GABRG3: variants seen among roughly 807,000 people sequenced by gnomAD.
The protein encoded by GABRG3 is gamma-aminobutyric acid type A receptor subunit gamma3, also known as gamma-aminobutyric acid receptor subunit gamma-3.
In GABRG3, 25 loss-of-function variants were observed where a neutral mutation model predicts 48.8. That is an observed-to-expected ratio of 0.51 (90% CI 0.37 to 0.72). GABRG3 has a LOEUF of 0.72. GABRG3 is among the 30% of genes least tolerant of loss of function. GABRG3 has a pLI of 0.00. For missense variants in GABRG3, 394 were observed against 577.9 expected (o/e 0.68, Z 3.26); for synonymous variants, 227 against 217.6 (o/e 1.04, Z -0.38).
chr15:27,237,214 T>G (rs1890001470), intron 3 of GABRG3, among the ~76,000 whole-genome samples: 1 of 152,352 alleles, frequency 6.6e-6, no homozygotes, highest in East Asian at 1.9e-4. Context: ...AATGGGTTAT[T>G]TAAATCCAGT....
At chr15:27,138,237 A>G (rs1180326130) in intron 3 of GABRG3, among the ~76,000 whole-genome samples, 1 of 152,136 alleles carries the variant, frequency 6.6e-6, no homozygotes, top group East Asian at 1.9e-4. Flanking sequence ...GTCTTCTTAT[A>G]AGGATTGCTG....
At chr15:27,306,663 T>G (rs1482976679) in intron 3 of GABRG3, among the ~76,000 whole-genome samples, 6 of 65,004 alleles carry the variant, frequency 9.2e-5, no homozygotes, top group Non-Finnish European at 1.1e-4. Context: ...TATATGAACA[T>G]GTTTATATAT....
intron 3 of GABRG3, among the ~76,000 whole-genome samples, chr15:27,169,756 G>T (rs1167312398): frequency 6.6e-6 from 1 of 152,008 alleles, no homozygotes; most frequent in East Asian, 1.9e-4. Flanking sequence ...CTTGAAAACT[G>T]GGAAAATCAT....
intron 2 of GABRG3, among the ~76,000 whole-genome samples, chr15:26,984,553 C>G (rs1895116485): frequency 6.6e-6 from 1 of 152,110 alleles, no homozygotes; most frequent in South Asian, 2.1e-4. Context: ...GTTTTAGTTC[C>G]CTTCTTTATC....
intron 3 of GABRG3, among the ~76,000 whole-genome samples, chr15:27,087,781 C>T (rs1461602456): frequency 6.8e-6 from 1 of 146,646 alleles, no homozygotes; most frequent in Non-Finnish European, 1.5e-5. Context: ...TATGTAGGCA[C>T]ATGTGTGTAT....
chr15:27,501,573 C>G (rs1445358160), intron 6 of GABRG3, among the ~76,000 whole-genome samples: 1 of 152,112 alleles, frequency 6.6e-6, no homozygotes, highest in African/African-American at 2.4e-5. Flanking sequence ...GGTCTCCTAA[C>G]TGACAGCTCA....
At chr15:27,093,527 T>A (rs1897226577) in intron 3 of GABRG3, among the ~76,000 whole-genome samples, 1 of 152,210 alleles carries the variant, frequency 6.6e-6, no homozygotes, top group South Asian at 2.1e-4. Flanking sequence ...GGCCCAGTCC[T>A]GAGTGTGCAT....
chr15:27,404,173 A>G lies in GABRG3; in HGVS notation c.574+75285A>G, dbSNP rs185456628. 4.6e-3 allele frequency among the ~76,000 whole-genome samples: 704 copies of G among 152,294 alleles called. 2 individuals are homozygous for G. The highest frequency in any genetic ancestry group is 0.016 in the African/African-American group (659 of 41,582). On this transcript the variant is annotated intron_variant, in intron 5 of 9. Coordinates refer to ENST00000615808, the MANE Select transcript of GABRG3 (RefSeq NM_033223.5). ...GAGGCGGAGCTTGCAGTGAGCCTAGATGGTGCCACTGCACTCTAGCCTGGG... is the reference window on the plus strand; with the variant it reads ...GAGGCGGAGCTTGCAGTGAGCCTAGGTGGTGCCACTGCACTCTAGCCTGGG...
At chr15:27,003,864 C>G (rs1217357174) in intron 2 of GABRG3, among the ~76,000 whole-genome samples, 1 of 144,166 alleles carries the variant, frequency 6.9e-6, no homozygotes, top group Non-Finnish European at 1.5e-5. Context: ...CTGACCCCCC[C>G]ACCTCCCTCC....
intron 3 of GABRG3, among the ~76,000 whole-genome samples, chr15:27,248,021 G>A (rs1890321875): frequency 6.6e-6 from 1 of 152,146 alleles, no homozygotes; most frequent in Non-Finnish European, 1.5e-5. Flanking sequence ...GCAGAGAGAA[G>A]GTAGAGACAG....
chr15:27,011,847 CAAA>C (rs10605771), intron 2 of GABRG3, among the ~76,000 whole-genome samples: 8 of 123,518 alleles, frequency 6.5e-5, no homozygotes, highest in African/African-American at 8.9e-5. Context: ...GACTCCGTCT[CAAA>C]AAAAAAAAAA....
intron 2 of GABRG3, among the ~76,000 whole-genome samples, chr15:27,011,900 T>C (rs559464091): frequency 7.0e-4 from 106 of 151,798 alleles, no homozygotes; most frequent in African/African-American, 2.4e-3. Context: ...AAAATTGAGG[T>C]GCATGGCTAT....
chr15:27,508,137 A>G (rs193178308), intron 6 of GABRG3, among the ~76,000 whole-genome samples: 74 of 152,318 alleles, frequency 4.9e-4, no homozygotes, highest in African/African-American at 1.7e-3. Flanking sequence ...TGGGATGTTT[A>G]GATCATTAAC....
chr15:27,133,394 C>G (rs1484591084), intron 3 of GABRG3, among the ~76,000 whole-genome samples: 12 of 152,124 alleles, frequency 7.9e-5, no homozygotes, highest in Non-Finnish European at 1.8e-4. Flanking sequence ...ATGGAGACTC[C>G]CACTCCTGTG....
chr15:27,492,882 G>A (rs1380387539), intron 6 of GABRG3, among the ~76,000 whole-genome samples: 1 of 152,134 alleles, frequency 6.6e-6, no homozygotes, highest in Non-Finnish European at 1.5e-5. Context: ...AGAAGACTAA[G>A]AAAGATTTAG....
chr15:27,038,908 G>A (rs772091720), intron 3 of GABRG3, among the ~76,000 whole-genome samples: 1 of 152,240 alleles, frequency 6.6e-6, no homozygotes, highest in Non-Finnish European at 1.5e-5. Flanking sequence ...CCCGGGTGGA[G>A]CCTGAGGAGA....
rs140343651 is a variant in GABRG3, at chr15:27,243,823, C to T, written c.271-82986C>T. Among the ~76,000 whole-genome samples the T allele has an allele frequency of 2.0e-4, 31 of 152,118 alleles. No homozygotes were observed. The East Asian group carries it at 5.4e-3, about 27-fold the overall frequency. ...GGCAGAAAATTTTAAGAAAAAGGAC[C>T]CCAATCATGGTTTTTCCAGTAAATG... On this transcript the variant is annotated intron_variant, in intron 3 of 9. Transcript: ENST00000615808.
intron 3 of GABRG3, among the ~76,000 whole-genome samples, chr15:27,067,211 G>A (rs1313070528): frequency 1.3e-5 from 2 of 152,114 alleles, no homozygotes; most frequent in African/African-American, 4.8e-5. Context: ...TCCAGGAGCC[G>A]AGTGGACCTG....
chr15:27,280,067 A>G lies in GABRG3; in HGVS notation c.271-46742A>G, dbSNP rs571202078. Among the ~76,000 whole-genome samples the G allele has an allele frequency of 2.0e-5, 3 of 152,126 alleles. No individual in the cohort carries two copies. In the South Asian group the frequency reaches 6.2e-4, roughly 32 times the overall value. ...CCTGAAATGAAATTCCTTTGGTAGA[A>G]CTAGTGATTTTTTTTAATTAGTTCA... On this transcript the variant is annotated intron_variant, in intron 3 of 9. Transcript: ENST00000615808.
Sources: gnomAD v4.1 joint callset for allele counts (sites outside exome capture counted in the v4.1 genomes callset) on GRCh38, gnomAD v4.1.1 for gene constraint, MANE v1.5 for transcripts, NCBI Gene and HGNC (gene_info 2026-07-23, HGNC 2026-07-21) for gene names.